MACROD2: variants seen among roughly 807,000 people sequenced by gnomAD.
MACROD2 encodes the protein ADP-ribose glycohydrolase MACROD2.
Under a neutral mutation model 70.4 loss-of-function variants are expected in MACROD2, and 36 were observed. The observed-to-expected ratio is 0.51, with a 90% confidence interval of 0.39 to 0.68. The LOEUF is 0.68. MACROD2 is among the 30% of genes least tolerant of loss of function. The pLI is 0.00. For synonymous variants in MACROD2, 172 were observed against 178.8 expected, an observed-to-expected ratio of 0.96 and a Z score of 0.30; for missense variants, 496 against 538.4, an observed-to-expected ratio of 0.92 and a Z score of 0.78.
At chr20:14,721,944 C>G (rs1409021226) in intron 5 of MACROD2, among the ~76,000 whole-genome samples, 7 of 152,184 alleles carry the variant, frequency 4.6e-5, no homozygotes, top group African/African-American at 1.7e-4. Context: ...AGGCCCATGA[C>G]AGACTAGAAT....
chr20:14,860,820 C>T lies in MACROD2; in HGVS notation c.418+175861C>T, dbSNP rs994203839. Among the ~76,000 whole-genome samples the T allele has an allele frequency of 5.9e-5, 9 of 152,206 alleles. No individual in the cohort carries two copies. In the East Asian group the frequency reaches 1.7e-3, roughly 29 times the overall value. On this transcript the variant is annotated intron_variant, in intron 5 of 17. Transcript: ENST00000684519. ...GCCCTCTTAACCTGCAAGCCACAGC[C>T]AGCATCTCACTCCACTCTCCAAAAT...
chr20:15,013,288 C>T (rs2075097092), intron 5 of MACROD2, among the ~76,000 whole-genome samples: 1 of 152,100 alleles, frequency 6.6e-6, no homozygotes, highest in Non-Finnish European at 1.5e-5. Context: ...TTTCTTTCTA[C>T]TTGAGAGGAG....
chr20:15,545,448 G>C (rs78647787), intron 8 of MACROD2, among the ~76,000 whole-genome samples: 1 of 152,160 alleles, frequency 6.6e-6, no homozygotes, highest in Non-Finnish European at 1.5e-5. Flanking sequence ...TAAGCCATCT[G>C]TTGGCAGCAG....
rs188882440 is a variant in MACROD2 at position 15,165,654 on chromosome 20, C to G, written c.419-64286C>G. On this transcript the variant is annotated intron_variant, in intron 5 of 17. Coordinates refer to ENST00000684519, the MANE Select transcript of MACROD2 (RefSeq NM_001351661.2). The stretch of plus-strand genomic sequence containing the variant: ...ACTTATTATGCGCAGGCAATTTCTA[C>G]CAAACTTTCAAAATCATTTCAGGAT... Among the ~76,000 whole-genome samples, 3 of 152,298 alleles carry G rather than the reference C, an allele frequency of 2.0e-5. No homozygotes were observed. The East Asian group carries it at 5.8e-4, about 29-fold the overall frequency.
At chr20:15,252,114 T>G (rs571239737) in intron 6 of MACROD2, among the ~76,000 whole-genome samples, 1 of 152,336 alleles carries the variant, frequency 6.6e-6, no homozygotes, top group African/African-American at 2.4e-5. Context: ...AGGTAAGGAT[T>G]ATTGTATTGC....
At chr20:14,201,852 AT>A (rs1358455188) in intron 3 of MACROD2, among the ~76,000 whole-genome samples, 1 of 151,746 alleles carries the variant, frequency 6.6e-6, no homozygotes, top group Admixed American at 6.6e-5. Flanking sequence ...AAAAAAAAAA[AT>A]CAATATGTAT....
At chr20:14,071,196 A>G (rs1011306979) in intron 2 of MACROD2, among the ~76,000 whole-genome samples, 1 of 150,246 alleles carries the variant, frequency 6.7e-6, no homozygotes, top group Non-Finnish European at 1.5e-5. Flanking sequence ...AAATGGAATT[A>G]TAATCTTAAA....
intron 3 of MACROD2, among the ~76,000 whole-genome samples, chr20:14,174,551 A>G (rs990325094): frequency 6.6e-6 from 1 of 152,126 alleles, no homozygotes; most frequent in African/African-American, 2.4e-5. Flanking sequence ...ATTTCCAGGT[A>G]GCAGGTGAAC....
intron 7 of MACROD2, among the ~76,000 whole-genome samples, chr20:15,474,364 G>A (rs1600464217): frequency 6.6e-6 from 1 of 152,156 alleles, no homozygotes; most frequent in Non-Finnish European, 1.5e-5. Flanking sequence ...GAGGCTTCAT[G>A]TTGTCCCAAC....
At chr20:15,690,668 C>T (rs928558926) in intron 8 of MACROD2, among the ~76,000 whole-genome samples, 1 of 152,144 alleles carries the variant, frequency 6.6e-6, no homozygotes, top group African/African-American at 2.4e-5. Flanking sequence ...CATGAACCCA[C>T]CCCTTTCCCT....
intron 6 of MACROD2, among the ~76,000 whole-genome samples, chr20:15,295,828 T>C (rs2077582585): frequency 6.6e-6 from 1 of 152,174 alleles, no homozygotes; most frequent in Non-Finnish European, 1.5e-5. Context: ...TTCTTCATGG[T>C]CCAGGACATG....
chr20:14,311,876 A>C (rs971387430), intron 3 of MACROD2, among the ~76,000 whole-genome samples: 1 of 152,132 alleles, frequency 6.6e-6, no homozygotes, highest in South Asian at 2.1e-4. Context: ...TTACCACCCA[A>C]ATTATTTCAA....
At chr20:15,518,643 G>A (rs2047602855) in intron 8 of MACROD2, among the ~76,000 whole-genome samples, 1 of 152,162 alleles carries the variant, frequency 6.6e-6, no homozygotes, top group South Asian at 2.1e-4. Context: ...AGAACAGGTG[G>A]GAAGAAGGGA....
chr20:14,049,185 AAAAAC>A (rs748445091), intron 2 of MACROD2, among the ~76,000 whole-genome samples: 25 of 127,750 alleles, frequency 2.0e-4, no homozygotes, highest in African/African-American at 8.2e-5. Context: ...AAAAAAAAAA[AAAAAC>A]AAAAAAACAA....
At chr20:15,225,689 G>T (rs1029602985) in intron 5 of MACROD2, among the ~76,000 whole-genome samples, 44 of 152,044 alleles carry the variant, frequency 2.9e-4, no homozygotes, top group African/African-American at 1.0e-3. Context: ...ATACATGAAG[G>T]CCTTCTTTGT....
At chr20:15,225,323 G>A (rs966205729) in intron 5 of MACROD2, among the ~76,000 whole-genome samples, 2 of 152,040 alleles carry the variant, frequency 1.3e-5, no homozygotes, top group African/African-American at 2.4e-5. Context: ...TAAGGACAGG[G>A]TAAATGGGAT....
At chr20:15,317,523 A>ATCTATCTGTCTGTCTG (rs142419875) in intron 6 of MACROD2, among the ~76,000 whole-genome samples, 5 of 149,398 alleles carry the variant, frequency 3.3e-5, no homozygotes, top group African/African-American at 1.2e-4. Context: ...CTATCTATCT[A>ATCTATCTGTCTGTCTG]TCTGTCTATC....
intron 3 of MACROD2, among the ~76,000 whole-genome samples, chr20:14,215,079 CATATAT>C (rs751373990): frequency 6.0e-4 from 1 of 1,678 alleles, no homozygotes; most frequent in East Asian, 0.062. Context: ...TCTATTCCAT[CATATAT>C]ATCTATTCCA....
At position 15,195,832 on chromosome 20, in the gene MACROD2, A is replaced by G. The variant is rs528844615; in HGVS notation, c.419-34108A>G. Among the ~76,000 whole-genome samples, 4 of 152,256 alleles carry G rather than the reference A, an allele frequency of 2.6e-5. No homozygotes were observed. In the East Asian group the frequency reaches 7.7e-4, roughly 29 times the overall value. The stretch of plus-strand genomic sequence containing the variant: ...ACAGCAAAGATATGGAATCAACCCA[A>G]ATGGCCATCAATGATAGACTGGATA... On this transcript the variant is annotated intron_variant, in intron 5 of 17. Coordinates refer to ENST00000684519, the MANE Select transcript of MACROD2 (RefSeq NM_001351661.2).
Sources: allele counts gnomAD v4.1 joint callset (sites outside exome capture counted in the v4.1 genomes callset), GRCh38; gene constraint gnomAD v4.1.1; transcripts MANE v1.5; gene names NCBI Gene and HGNC (gene_info 2026-07-23, HGNC 2026-07-21).